The following ARHGEF3 variants were observed in gnomAD, a reference collection of about 807,000 sequenced individuals.
The protein encoded by ARHGEF3 is 59.8 kDA protein.
A neutral mutation model predicts 63.2 loss-of-function variants in ARHGEF3; 28 were observed. The ratio of observed to expected loss-of-function variants is 0.44; its 90% confidence interval spans 0.33 to 0.61. ARHGEF3 has a LOEUF of 0.61. Ranked by LOEUF, ARHGEF3 falls within the 20% of genes least tolerant of loss-of-function variation. The probability of loss-of-function intolerance (pLI) is 0.03; values close to 1 mark genes in which losing one functional copy is unlikely to be tolerated. For synonymous variants in ARHGEF3, 266 were observed against 254.2 expected (o/e 1.05, Z -0.44); for missense variants, 533 against 659.3 (o/e 0.81, Z 2.10).
chr3:56,849,876 A>G (rs1284618962), intron 4 of ARHGEF3, among the ~76,000 whole-genome samples: 6 of 152,134 alleles, frequency 3.9e-5, no homozygotes, highest in African/African-American at 1.4e-4. Context: ...TCCGAGGGCC[A>G]CTTTATACTC....
intron 3 of ARHGEF3, among the ~76,000 whole-genome samples, chr3:56,920,693 T>C (rs937834793): frequency 4.6e-5 from 7 of 152,202 alleles, no homozygotes; most frequent in Admixed American, 1.3e-4. Context: ...TCTTTAAACA[T>C]ACCCCATTTG....
At chr3:56,827,944 CAAAAAAAAAAAAAAA>C (rs11462683) in intron 4 of ARHGEF3, among the ~76,000 whole-genome samples, 3 of 33,808 alleles carry the variant, frequency 8.9e-5, no homozygotes, top group African/African-American at 4.2e-4. Context: ...GATTCTGTCT[CAAAAAAAAAAAAAAA>C]AAAAAAAAAA....
chr3:56,732,977 G>A lies in ARHGEF3; in HGVS notation c.1042-553C>T, dbSNP rs544627549. On this transcript the variant is annotated intron_variant, in intron 8 of 9. Coordinates refer to ENST00000296315, the MANE Select transcript of ARHGEF3 (RefSeq NM_019555.3). The stretch of plus-strand genomic sequence containing the variant: ...AGGCTGGCCAACATGGTGAAACCCC[G>A]TCTCTATTAAAAATACAAAAACTAG... Among the ~76,000 whole-genome samples the A allele has an allele frequency of 1.6e-4, 24 of 151,750 alleles. 1 individual carries two copies. In the South Asian group the frequency reaches 2.5e-3, roughly 16 times the overall value.
intron 4 of ARHGEF3, among the ~76,000 whole-genome samples, chr3:56,839,138 C>G (rs2039225105): frequency 1.4e-5 from 2 of 146,796 alleles, no homozygotes; most frequent in Admixed American, 1.4e-4. Context: ...GACCTTGTCT[C>G]AAAAAAAAAA....
At chr3:57,061,905 G>A (rs1009803119) in intron 1 of ARHGEF3, among the ~76,000 whole-genome samples, 1 of 152,186 alleles carries the variant, frequency 6.6e-6, no homozygotes, top group Admixed American at 6.5e-5. Flanking sequence ...ATCTGAGCCC[G>A]CATAGGTTCA....
intron 1 of ARHGEF3, among the ~76,000 whole-genome samples, chr3:56,795,030 T>C (rs950025119): frequency 1.9e-5 from 1 of 52,382 alleles, no homozygotes; most frequent in Non-Finnish European, 4.5e-5. Flanking sequence ...GGTGAATTCT[T>C]TGATTTTTTT....
At chr3:56,954,090 A>G (rs892120614) in intron 3 of ARHGEF3, among the ~76,000 whole-genome samples, 1 of 152,214 alleles carries the variant, frequency 6.6e-6, no homozygotes, top group Non-Finnish European at 1.5e-5. Flanking sequence ...CAAATGGACT[A>G]GACAAAAGTA....
chr3:56,887,782 C>T (rs2040973236), intron 3 of ARHGEF3, among the ~76,000 whole-genome samples: 4 of 152,326 alleles, frequency 2.6e-5, no homozygotes, highest in African/African-American at 9.6e-5. Context: ...AAAGCACCTT[C>T]GGTGAGCCCA....
intron 1 of ARHGEF3, chr3:56,775,502 C>T: frequency 1.0e-6 from 1 of 996,098 alleles, no homozygotes; most frequent in Non-Finnish European, 1.2e-6. Flanking sequence ...GGTACCTCTC[C>T]AGCTTCTTAG....
chr3:57,028,616 G>A (rs1309109848), intron 2 of ARHGEF3, among the ~76,000 whole-genome samples: 2 of 134,108 alleles, frequency 1.5e-5, no homozygotes, highest in Admixed American at 7.6e-5. Flanking sequence ...TGGGTGCAGC[G>A]CACCAGCATG....
intron 3 of ARHGEF3, among the ~76,000 whole-genome samples, chr3:56,922,569 T>A (rs1468911972): frequency 6.6e-6 from 1 of 152,140 alleles, no homozygotes; most frequent in African/African-American, 2.4e-5. Context: ...CAAAAAACAA[T>A]GCTTGACACA....
intron 1 of ARHGEF3, chr3:57,074,533 C>T (rs1387227449): frequency 2.1e-6 from 1 of 476,428 alleles, no homozygotes; most frequent in Non-Finnish European, 3.9e-6. Flanking sequence ...CCCCGGGGAA[C>T]CTTCACTGTA....
intron 3 of ARHGEF3, among the ~76,000 whole-genome samples, chr3:56,913,600 G>T (rs2041911205): frequency 6.6e-6 from 1 of 152,172 alleles, no homozygotes; most frequent in African/African-American, 2.4e-5. Context: ...CAGTATGGCG[G>T]TTACTCAAAA....
intron 1 of ARHGEF3, among the ~76,000 whole-genome samples, chr3:57,072,667 G>A (rs1471773420): frequency 1.3e-5 from 2 of 150,564 alleles, no homozygotes; most frequent in African/African-American, 2.4e-5. Flanking sequence ...ACGTGAACCC[G>A]GGGGGCAGAG....
At chr3:56,789,637 T>C (rs188855987) in intron 1 of ARHGEF3, among the ~76,000 whole-genome samples, 1 of 152,350 alleles carries the variant, frequency 6.6e-6, no homozygotes, top group Non-Finnish European at 1.5e-5. Flanking sequence ...GAACATGCCT[T>C]GTTCACTGTT....
chr3:57,077,311 G>T (rs1239107199), intron 1 of ARHGEF3, among the ~76,000 whole-genome samples: 1 of 127,148 alleles, frequency 7.9e-6, no homozygotes, highest in East Asian at 2.4e-4. Context: ...AGGGAATTGA[G>T]ATGTAACGGG....
At chr3:56,916,448 T>G in intron 3 of ARHGEF3, 2 of 1,416,176 alleles carry the variant, frequency 1.4e-6, no homozygotes, top group Non-Finnish European at 1.8e-6. Context: ...CTGAAGGAAC[T>G]CCTCCCCGCC....
chr3:56,889,627 G>A (rs534396848), intron 3 of ARHGEF3, among the ~76,000 whole-genome samples: 10 of 152,340 alleles, frequency 6.6e-5, no homozygotes, highest in Middle Eastern at 3.4e-3. Flanking sequence ...GAGTGCTGGA[G>A]AGAGGATTTT....
chr3:56,934,521 T>C (rs866232590), intron 3 of ARHGEF3, among the ~76,000 whole-genome samples: 1 of 152,068 alleles, frequency 6.6e-6, no homozygotes, highest in East Asian at 1.9e-4. Context: ...CCAGCTGGAG[T>C]TCCGGGTGGG....
Sources: gnomAD v4.1 joint callset for allele counts (sites outside exome capture counted in the v4.1 genomes callset) on GRCh38, gnomAD v4.1.1 for gene constraint, MANE v1.5 for transcripts, NCBI Gene and HGNC (gene_info 2026-07-23, HGNC 2026-07-21) for gene names.